The following ABI2 variants were observed in gnomAD, a reference collection of about 807,000 sequenced individuals.
The protein encoded by ABI2 is abl interactor 2.
Under a neutral mutation model 59.2 loss-of-function variants are expected in ABI2, and 25 were observed. The ratio of observed to expected loss-of-function variants is 0.42; its 90% CI spans 0.31 to 0.59. ABI2 has a LOEUF of 0.59. Ranked by LOEUF, ABI2 falls within the 20% of genes least tolerant of loss-of-function variation. The probability of loss-of-function intolerance (pLI) is 0.14; values close to 1 mark genes in which losing one functional copy is unlikely to be tolerated. For missense variants in ABI2, 545 were observed against 681.8 expected (o/e 0.80, Z 2.23); for synonymous variants, 213 against 235.5 (o/e 0.90, Z 0.87).
intron 1 of ABI2, chr2:203,329,217 G>A (rs1376341316): frequency 6.6e-6 from 1 of 152,566 alleles, no homozygotes; most frequent in Non-Finnish European, 1.5e-5. Flanking sequence ...TATGGAGAAG[G>A]ATGATGAGCT....
rs181521290 is a variant in ABI2, at chr2:203,350,003, C to T, written c.118-16874C>T. Among the ~76,000 whole-genome samples the T allele has an allele frequency of 4.5e-3, 689 of 152,250 alleles. 3 individuals carry two copies. The highest frequency in any genetic ancestry group is 0.013 in the South Asian group (65 of 4,816). ...TTTCCCAGGTAGTTGCACTATTTTC[C>T]ATTTCCACCATCAGTGTGTGAGCGT... On this transcript the variant is annotated intron_variant, in intron 1 of 11. Coordinates refer to ENST00000261018, the MANE Select transcript of ABI2 (RefSeq NM_001375670.1).
chr2:203,342,267 A>G (rs1308244868), intron 1 of ABI2: 1 of 446,116 alleles, frequency 2.2e-6, no homozygotes, highest in Non-Finnish European at 4.5e-6. Flanking sequence ...TTCTGTTACC[A>G]TTTTGATTTC....
chr2:203,426,312 T>TTTC (rs2098423833), intron 11 of ABI2, among the ~76,000 whole-genome samples: 1 of 152,188 alleles, frequency 6.6e-6, no homozygotes. Flanking sequence ...GAGCAAAGGA[T>TTTC]AATTCTTCAA....
intron 6 of ABI2, among the ~76,000 whole-genome samples, chr2:203,395,365 T>A (rs1483742157): frequency 6.6e-6 from 1 of 150,690 alleles, no homozygotes; most frequent in Non-Finnish European, 1.5e-5. Context: ...TTATGGATAA[T>A]TTTTTCAAAA....
At chr2:203,369,684 G>A (rs76098118) in intron 2 of ABI2, among the ~76,000 whole-genome samples, 2 of 152,310 alleles carry the variant, frequency 1.3e-5, no homozygotes, top group Non-Finnish European at 2.9e-5. Context: ...AGTCAAAGCT[G>A]TCAGGAATAC....
chr2:203,415,781 A>G (rs1166810923), intron 10 of ABI2, among the ~76,000 whole-genome samples: 1 of 152,198 alleles, frequency 6.6e-6, no homozygotes, highest in Non-Finnish European at 1.5e-5. Context: ...GCTGATAAAC[A>G]GGTTTATTCA....
intron 1 of ABI2, among the ~76,000 whole-genome samples, chr2:203,338,397 G>A (rs1271722134): frequency 6.6e-6 from 1 of 151,882 alleles, no homozygotes; most frequent in Non-Finnish European, 1.5e-5. Context: ...GAGATAATTG[G>A]ATTATGGGGG....
chr2:203,416,186 A>G (rs1412508381), intron 10 of ABI2, among the ~76,000 whole-genome samples: 2 of 152,328 alleles, frequency 1.3e-5, no homozygotes, highest in East Asian at 3.9e-4. Flanking sequence ...TTTGTGAAAT[A>G]TGGTTTTCAG....
intron 1 of ABI2, among the ~76,000 whole-genome samples, chr2:203,359,624 C>G (rs1405890407): frequency 6.6e-6 from 1 of 152,068 alleles, no homozygotes; most frequent in Non-Finnish European, 1.5e-5. Flanking sequence ...CTGGGAAGTC[C>G]AAGATCAAGA....
rs973375380 is a variant in ABI2 at position 203,431,670 on chromosome 2, C to T, written c.*4318C>T. 2 of 151,156 alleles carry T rather than the reference C, an allele frequency of 1.3e-5. No homozygotes were observed. Among genetic ancestry groups the T allele is most frequent in the Admixed American group, 1.3e-4 (2 of 15,180 alleles). 9.4% of individuals were successfully genotyped at this position (151,156 alleles called of 1,614,324 possible). The stretch of plus-strand genomic sequence containing the variant: ...GTTTACTTTGTGCTGACCTTTGTTC[C>T]TGTTTTGAGAATCTCATATAATTAT... On this transcript the variant is annotated 3_prime_UTR_variant, in exon 12 of 12. Transcript: ENST00000261018.
chr2:203,397,101 G>T, intron 8 of ABI2, 134 bp downstream of exon 8: 2 of 1,195,800 alleles, frequency 1.7e-6, no homozygotes, highest in South Asian at 8.1e-5. Context: ...GTACTAACCA[G>T]AAAGTATGTG....
At chr2:203,380,432 A>G (rs1243167689) in intron 3 of ABI2, 48 bp downstream of exon 3, 1 of 1,236,252 alleles carries the variant, frequency 8.1e-7, no homozygotes, top group Non-Finnish European at 1.1e-6. Context: ...CCCATAATGA[A>G]ACCAACTCTT....
intron 1 of ABI2, among the ~76,000 whole-genome samples, chr2:203,365,398 TTAAA>T (rs2094271120): frequency 1.3e-5 from 2 of 152,206 alleles, no homozygotes. Context: ...TCTTTCATCA[TTAAA>T]TGAGTTCATG....
intron 11 of ABI2, among the ~76,000 whole-genome samples, chr2:203,424,958 A>G (rs1254447088): frequency 6.6e-6 from 1 of 151,402 alleles, no homozygotes; most frequent in Non-Finnish European, 1.5e-5. Flanking sequence ...TTCAGCCTCA[A>G]CTTTGCTGAG....
At chr2:203,364,512 C>T (rs2094105220) in intron 1 of ABI2, among the ~76,000 whole-genome samples, 1 of 152,168 alleles carries the variant, frequency 6.6e-6, no homozygotes, top group Non-Finnish European at 1.5e-5. Flanking sequence ...AAACGAACAG[C>T]AACCTTGGTC....
chr2:203,341,607 G>A (rs2079956866), intron 1 of ABI2, among the ~76,000 whole-genome samples: 1 of 152,080 alleles, frequency 6.6e-6, no homozygotes, highest in South Asian at 2.1e-4. Context: ...TGCCTCGGGA[G>A]GCTGAGGCAC....
rs1464088913 is a variant in ABI2, at chr2:203,430,213, T to G, written c.*2861T>G. 6.6e-6 allele frequency: 1 copy of G among 152,156 alleles called. No individual in the cohort carries two copies. The highest frequency in any genetic ancestry group is 1.9e-4 in the East Asian group (1 of 5,204). 9.4% of individuals were successfully genotyped at this position (152,156 alleles called of 1,614,324 possible). On this transcript the variant is annotated 3_prime_UTR_variant, in exon 12 of 12. Transcript: ENST00000261018. ...TATTGTAAGTTTCCCTCTTTTTTTATAAATTAAAAGATGGTTGGTATTAGG... is the reference window on the plus strand; with the variant it reads ...TATTGTAAGTTTCCCTCTTTTTTTAGAAATTAAAAGATGGTTGGTATTAGG...
chr2:203,334,547 C>G (rs1480515037), intron 1 of ABI2, among the ~76,000 whole-genome samples: 1 of 152,068 alleles, frequency 6.6e-6, no homozygotes, highest in Non-Finnish European at 1.5e-5. Context: ...ATCCATTTTG[C>G]AGCACCCTAC....
At chr2:203,337,806 A>G (rs974203549) in intron 1 of ABI2, among the ~76,000 whole-genome samples, 3 of 152,202 alleles carry the variant, frequency 2.0e-5, no homozygotes, top group African/African-American at 7.2e-5. Context: ...CTAGGTAGCC[A>G]GATCACCTGA....
Sources: allele counts gnomAD v4.1 joint callset (sites outside exome capture counted in the v4.1 genomes callset), GRCh38; gene constraint gnomAD v4.1.1; transcripts MANE v1.5; gene names NCBI Gene and HGNC (gene_info 2026-07-23, HGNC 2026-07-21).